Variants in CAST observed in about 807,000 individuals in gnomAD.
The protein encoded by CAST is MIR583 host.
In CAST, 76 loss-of-function variants were observed where a neutral mutation model predicts 119.6. That is an observed-to-expected ratio of 0.64 (90% CI 0.53 to 0.77). CAST has a LOEUF of 0.77. Among genes scored for constraint, CAST ranks in the 30% least tolerant of loss-of-function variants. The pLI, the probability that CAST is intolerant of heterozygous loss-of-function variation, is 0.00. For missense variants in CAST, 953 were observed against 946.5 expected, an observed-to-expected ratio of 1.01 and a Z score of -0.09; for synonymous variants, 319 against 331.6, an observed-to-expected ratio of 0.96 and a Z score of 0.41.
chr5:96,276,751 T>C, the CAST span, among the ~76,000 whole-genome samples: 60 of 152,344 alleles, frequency 3.9e-4, no homozygotes, highest in Non-Finnish European at 7.9e-4. Flanking sequence ...AAGGAAGTAT[T>C]ATGAATGCAT....
At chr5:96,330,141 G>A in the CAST span, among the ~76,000 whole-genome samples, 1 of 152,188 alleles carries the variant, frequency 6.6e-6, no homozygotes, top group Non-Finnish European at 1.5e-5. Flanking sequence ...TGGAGATATT[G>A]CATAGTTGAA....
the CAST span, among the ~76,000 whole-genome samples, chr5:96,453,609 A>G: frequency 6.6e-6 from 1 of 152,172 alleles, no homozygotes; most frequent in African/African-American, 2.4e-5. Flanking sequence ...TTTCCTATTG[A>G]CCTATTGACT....
At chr5:96,763,355 T>C (rs1768696918) in intron 25 of CAST, 1 of 708,906 alleles carries the variant, frequency 1.4e-6, no homozygotes, top group African/African-American at 1.7e-5. Context: ...TGTGTGTGTA[T>C]GTGCATGTGC....
chr5:96,767,426 C>G lies in CAST; in HGVS notation c.2131-12C>G, dbSNP rs369083854. The G allele has an allele frequency of 6.2e-7, 1 of 1,609,396 alleles. No homozygotes were observed. The highest frequency in any genetic ancestry group is 2.2e-5 in the East Asian group (1 of 44,762). On this transcript the variant is annotated splice_polypyrimidine_tract_variant and intron_variant, in intron 27 of 31. Transcript: ENST00000675179. Reference sequence around the variant, plus strand: ...TATCTATGCTTAACCAATAGTCTGCCTTCTTTTTAAGGACAAACCAGTGAA... The same window carrying G: ...TATCTATGCTTAACCAATAGTCTGCGTTCTTTTTAAGGACAAACCAGTGAA...
the CAST span, chr5:96,209,999 T>C: frequency 6.6e-6 from 1 of 151,890 alleles, no homozygotes; most frequent in East Asian, 1.9e-4. Context: ...TGTAATCCCA[T>C]AATTCTCAGA....
chr5:96,661,633 C>T (rs1748502936), upstream of CAST, among the ~76,000 whole-genome samples: 1 of 152,136 alleles, frequency 6.6e-6, no homozygotes, highest in African/African-American at 2.4e-5. Context: ...ATTTCACTTC[C>T]AGCCCCAAAC....
At chr5:96,643,858 C>T (rs1027311026) in intron 1 of CAST, among the ~76,000 whole-genome samples, 6 of 151,744 alleles carry the variant, frequency 4.0e-5, no homozygotes, top group East Asian at 1.9e-4. Context: ...GGCAACTGAG[C>T]GAGACTTCAT....
chr5:96,083,185 G>T, the CAST span, among the ~76,000 whole-genome samples: 1 of 152,184 alleles, frequency 6.6e-6, no homozygotes, highest in East Asian at 1.9e-4. Context: ...AACTTGTAAA[G>T]ATTCAAGGGA....
chr5:96,553,180 G>C lies in CAST; in HGVS notation c.60+23300G>C, dbSNP rs543351321. ...ATCCTCAATAAAATACTGGCAAACC[G>C]AATCCAGCAGCACATCAAAAAGCTT... On this transcript the variant is annotated intron_variant, in intron 1 of 11. Coordinates refer to the CAST transcript ENST00000505143. 7.2e-5 allele frequency among the ~76,000 whole-genome samples: 11 copies of C among 152,212 alleles called. No homozygotes were observed. In the East Asian group the frequency reaches 1.9e-3, roughly 27 times the overall value.
chr5:96,728,622 A>G (rs112403160), intron 6 of CAST: 13,437 of 152,384 alleles, frequency 0.088, 851 homozygotes, highest in East Asian at 0.21. Flanking sequence ...GACTACAGGC[A>G]CCCGCCACCA....
the CAST span, among the ~76,000 whole-genome samples, chr5:96,043,162 A>C: frequency 9.2e-5 from 14 of 152,322 alleles, no homozygotes; most frequent in African/African-American, 2.9e-4. Flanking sequence ...ACTAACTCAA[A>C]ATGTATCATG....
intron 1 of CAST, among the ~76,000 whole-genome samples, chr5:96,664,780 C>T (rs547209945): frequency 6.6e-6 from 1 of 152,326 alleles, no homozygotes; most frequent in East Asian, 1.9e-4. Flanking sequence ...GATACTTCTT[C>T]ATGAATGTTT....
At chr5:96,324,835 G>A in the CAST span, among the ~76,000 whole-genome samples, 3 of 151,896 alleles carry the variant, frequency 2.0e-5, no homozygotes, top group Non-Finnish European at 2.9e-5. Flanking sequence ...GTTTTATGAA[G>A]TGACAAGAGT....
the CAST span, among the ~76,000 whole-genome samples, chr5:96,245,004 A>G: frequency 6.6e-6 from 1 of 152,188 alleles, no homozygotes; most frequent in Non-Finnish European, 1.5e-5. Context: ...AATTATAACT[A>G]TTCCTCTTTT....
the CAST span, among the ~76,000 whole-genome samples, chr5:96,322,928 G>T: frequency 9.9e-5 from 15 of 152,264 alleles, no homozygotes; most frequent in African/African-American, 3.4e-4. Context: ...CTTATAAGGA[G>T]GAGAAAGGGA....
At chr5:96,434,607 GTT>G in the CAST span, among the ~76,000 whole-genome samples, 2 of 147,302 alleles carry the variant, frequency 1.4e-5, no homozygotes, top group African/African-American at 2.5e-5. Flanking sequence ...TGGGAAGTTT[GTT>G]TTTTTTTTTG....
intron 1 of CAST, among the ~76,000 whole-genome samples, chr5:96,626,416 A>G (rs2150200714): frequency 6.6e-6 from 1 of 152,234 alleles, no homozygotes; most frequent in Admixed American, 6.5e-5. Flanking sequence ...TAACTGACAC[A>G]GGCCTCTTGG....
At chr5:96,462,025 G>C in the CAST span, among the ~76,000 whole-genome samples, 2 of 152,076 alleles carry the variant, frequency 1.3e-5, no homozygotes, top group African/African-American at 4.8e-5. Context: ...ATGGGGTCTT[G>C]AAAAGAGCCC....
the CAST span, among the ~76,000 whole-genome samples, chr5:96,023,664 T>C: frequency 6.6e-6 from 1 of 152,182 alleles, no homozygotes; most frequent in African/African-American, 2.4e-5. Context: ...TGTAAAATTA[T>C]TCACTACGTA....
Sources: allele counts gnomAD v4.1 joint callset (sites outside exome capture counted in the v4.1 genomes callset), GRCh38; gene constraint gnomAD v4.1.1; transcripts MANE v1.5; gene names NCBI Gene and HGNC (gene_info 2026-07-23, HGNC 2026-07-21).